STARD9: variants seen among roughly 807,000 people sequenced by gnomAD.
STARD9 encodes the protein stAR-related lipid transfer protein 9.
A neutral mutation model predicts 399.8 loss-of-function variants in STARD9; 346 were observed. The ratio of observed to expected loss-of-function variants is 0.87; its 90% CI spans 0.79 to 0.95. The LOEUF (loss-of-function observed/expected upper bound fraction) is 0.95. Ranked by LOEUF, STARD9 falls within the 40% of genes least tolerant of loss-of-function variation. The probability of loss-of-function intolerance (pLI) is 0.00; values close to 1 mark genes in which losing one functional copy is unlikely to be tolerated. For missense variants in STARD9, 5,832 were observed against 5,667.5 expected (o/e 1.03, Z -0.93); for synonymous variants, 2,203 against 2,143.5 (o/e 1.03, Z -0.77).
intron 3 of STARD9, among the ~76,000 whole-genome samples, chr15:42,589,718 G>T (rs986750393): frequency 1.3e-5 from 2 of 151,404 alleles, no homozygotes; most frequent in African/African-American, 4.9e-5. Context: ...GTGATTCTCT[G>T]GCCTCAGCCT....
rs1372786406 is a variant in STARD9 at position 42,689,882 on chromosome 15, T to C, written c.8304T>C (p.Thr2768=). The change falls in exon 23 of 33, where the codon ACT becomes ACC. Residue 2768 remains threonine, a synonymous_variant. Transcript: ENST00000290607. ...TAAGTCAGTCAGTTCCGCAGGAGAC[T>C]GCAGAGGGCATACCCCCTGGCAGTC... The part of the protein sequence containing the change: ...HELSQSVPQE[T]AEGIPPGSQD... The C allele has an allele frequency of 1.3e-6, 2 of 1,537,432 alleles. No individual in the cohort carries two copies. Among genetic ancestry groups the C allele is most frequent in the African/African-American group, 2.7e-5 (2 of 73,014 alleles).
At position 42,694,478 on chromosome 15, in the gene STARD9, A is replaced by G. The variant is rs143394146; in HGVS notation, c.12765-50A>G. 81 of 1,530,074 alleles carry G rather than the reference A, an allele frequency of 5.3e-5. No homozygotes were observed. In the African/African-American group the frequency reaches 1.0e-3, roughly 19 times the overall value. 94.8% of individuals were successfully genotyped at this position (1,530,074 alleles called of 1,614,324 possible). ...CTTCCAGGGGTCAGAGATAGATCTT[A>G]AAGTGAAGGACATTCAGGGCCAGCT... On this transcript the variant is annotated intron_variant, in intron 23 of 32. Transcript: ENST00000290607.
At chr15:42,625,749 G>A (rs1408838358) in intron 3 of STARD9, among the ~76,000 whole-genome samples, 1 of 150,296 alleles carries the variant, frequency 6.7e-6, no homozygotes, top group African/African-American at 2.4e-5. Context: ...TAATAGACAT[G>A]CATGAAACTT....
intron 14 of STARD9, 86 bp downstream of exon 14, chr15:42,665,416 T>G: frequency 1.9e-6 from 2 of 1,038,638 alleles, no homozygotes; most frequent in East Asian, 2.6e-5. Flanking sequence ...TGGGCCCTGC[T>G]GCATTCTATG....
At chr15:42,630,375 A>T (rs1210553003) in intron 3 of STARD9, among the ~76,000 whole-genome samples, 1 of 152,136 alleles carries the variant, frequency 6.6e-6, no homozygotes, top group Non-Finnish European at 1.5e-5. Context: ...ATCAATGTTC[A>T]TCAGGGATAT....
intron 9 of STARD9, among the ~76,000 whole-genome samples, chr15:42,657,178 G>A (rs1022388806): frequency 6.6e-6 from 1 of 151,962 alleles, no homozygotes; most frequent in Non-Finnish European, 1.5e-5. Context: ...CCAACATGGT[G>A]AAACCCCGTC....
At chr15:42,613,078 T>C (rs967254389) in intron 3 of STARD9, among the ~76,000 whole-genome samples, 3 of 151,832 alleles carry the variant, frequency 2.0e-5, no homozygotes, top group Non-Finnish European at 2.9e-5. Flanking sequence ...TCTGGTTCCC[T>C]CAGGAACTAG....
intron 3 of STARD9, among the ~76,000 whole-genome samples, chr15:42,601,497 C>T (rs1301984434): frequency 2.7e-5 from 4 of 148,182 alleles, no homozygotes; most frequent in African/African-American, 1.0e-4. Flanking sequence ...GGGGGCTGCC[C>T]CCCACCTCCC....
intron 26 of STARD9, among the ~76,000 whole-genome samples, chr15:42,715,155 G>A (rs923499135): frequency 6.6e-6 from 1 of 152,218 alleles, no homozygotes; most frequent in Middle Eastern, 3.4e-3. Flanking sequence ...GGGAGAGACT[G>A]GCTAAGTCAA....
chr15:42,669,529 C>T, intron 16 of STARD9, 192 bp downstream of exon 16: 2 of 434,696 alleles, frequency 4.6e-6, no homozygotes, highest in Non-Finnish European at 8.2e-6. Context: ...ATGTATAGAG[C>T]AGAAGACTGG....
intron 4 of STARD9, among the ~76,000 whole-genome samples, chr15:42,637,423 C>G (rs2059440338): frequency 6.6e-6 from 1 of 152,070 alleles, no homozygotes; most frequent in Non-Finnish European, 1.5e-5. Flanking sequence ...GCAGGTTGCC[C>G]AGGCTTGTCT....
At chr15:42,579,955 C>T (rs2058134288) in intron 1 of STARD9, among the ~76,000 whole-genome samples, 1 of 152,246 alleles carries the variant, frequency 6.6e-6, no homozygotes, top group South Asian at 2.1e-4. Flanking sequence ...TTGGTGTGGA[C>T]CTGCTCTAGG....
rs545657563 is a variant in STARD9 at position 42,705,168 on chromosome 15, C to T, written c.13284+9288C>T. ...CAAAGTCCCATGTCCACTAACCTCT[C>T]CTTCTGCCATGTGGGCGGTGTCTCT... On this transcript the variant is annotated intron_variant, in intron 26 of 32. Transcript: ENST00000290607. Among the ~76,000 whole-genome samples, 97 of 152,316 alleles carry T rather than the reference C, an allele frequency of 6.4e-4. 1 individual carries two copies. The South Asian group carries it at 0.014, about 23-fold the overall frequency.
At chr15:42,607,220 T>TTTTTTAA (rs60665683) in intron 3 of STARD9, among the ~76,000 whole-genome samples, 1 of 124,972 alleles carries the variant, frequency 8.0e-6, no homozygotes, top group Non-Finnish European at 1.7e-5. Flanking sequence ...TTTTTTTTTT[T>TTTTTTAA]AAGATGGAGT....
At chr15:42,593,654 CTTTTTTTTTTTT>C (rs71108170) in intron 3 of STARD9, among the ~76,000 whole-genome samples, 4 of 66,890 alleles carry the variant, frequency 6.0e-5, no homozygotes, top group East Asian at 6.0e-4. Flanking sequence ...GGTTGTGCTT[CTTTTTTTTTTTT>C]TTTTTTTTTT....
intron 3 of STARD9, among the ~76,000 whole-genome samples, chr15:42,625,664 G>A (rs1330659629): frequency 6.4e-4 from 26 of 40,474 alleles, no homozygotes; most frequent in Admixed American, 2.9e-3. Context: ...TTTTTTTTTA[G>A]GTAGATTAAG....
intron 26 of STARD9, among the ~76,000 whole-genome samples, chr15:42,713,212 T>G (rs2061283253): frequency 6.6e-6 from 1 of 152,254 alleles, no homozygotes; most frequent in Admixed American, 6.5e-5. Flanking sequence ...TAAATGGAAT[T>G]GTTTTCACTT....
intron 26 of STARD9, among the ~76,000 whole-genome samples, chr15:42,701,572 T>A (rs996110594): frequency 2.0e-5 from 3 of 152,172 alleles, no homozygotes. Context: ...ACACTACTGA[T>A]TTTTGTATGT....
intron 26 of STARD9, among the ~76,000 whole-genome samples, chr15:42,713,127 A>G (rs549757642): frequency 1.1e-4 from 16 of 152,140 alleles, no homozygotes; most frequent in Non-Finnish European, 2.2e-4. Context: ...AATGTTTCGA[A>G]GTTTTCAGAG....
Sources: gnomAD v4.1 joint callset for allele counts (sites outside exome capture counted in the v4.1 genomes callset) on GRCh38, gnomAD v4.1.1 for gene constraint, MANE v1.5 for transcripts, NCBI Gene and HGNC (gene_info 2026-07-23, HGNC 2026-07-21) for gene names.